The following IMPA2 variants were observed in gnomAD, a reference collection of about 807,000 sequenced individuals.
IMPA2 encodes the protein inositol monophosphatase 2, also known as IMP 2.
In IMPA2, 32 loss-of-function variants were observed where a neutral mutation model predicts 35.1. The observed-to-expected ratio is 0.91, with a 90% CI of 0.69 to 1.23. IMPA2 has a LOEUF of 1.23. Ranked by LOEUF, IMPA2 falls within the 50% of genes most tolerant of loss-of-function variation. IMPA2 has a pLI of 0.00. For missense variants in IMPA2, 334 were observed against 387.6 expected, an observed-to-expected ratio of 0.86 and a Z score of 1.16; for synonymous variants, 135 against 160.6, an observed-to-expected ratio of 0.84 and a Z score of 1.20.
At chr18:12,017,580 T>C (rs974737115) in intron 5 of IMPA2, 1 of 428,814 alleles carries the variant, frequency 2.3e-6, no homozygotes, top group Non-Finnish European at 4.6e-6. Flanking sequence ...GAAGTACGTA[T>C]TTTTTATTTG....
rs771190833 is a variant in IMPA2, at chr18:12,027,995, G to A, written c.491-48G>A. The A allele has an allele frequency of 4.1e-5, 54 of 1,301,610 alleles. 1 individual carries two copies. In the Middle Eastern group the frequency reaches 5.5e-4, roughly 13 times the overall value. The allele number at this position is 1,301,610 out of a possible 1,614,324, so 80.6% of individuals were successfully genotyped here. On this transcript the variant is annotated intron_variant, in intron 5 of 7. Coordinates refer to ENST00000269159, the MANE Select transcript of IMPA2 (RefSeq NM_014214.3). ...GTTGGAAGCCTGTACTCCTTAGTTAGAACCAAGACTTGATTTTTCTGGTGA... is the reference window on the plus strand; with the variant it reads ...GTTGGAAGCCTGTACTCCTTAGTTAAAACCAAGACTTGATTTTTCTGGTGA...
At chr18:11,993,810 G>C (rs1040627025) in intron 1 of IMPA2, among the ~76,000 whole-genome samples, 1 of 152,224 alleles carries the variant, frequency 6.6e-6, no homozygotes, top group African/African-American at 2.4e-5. Flanking sequence ...GGAGGTACAG[G>C]AGGGAGGACA....
chr18:12,000,334 CTTTTTTT>C (rs533943091), intron 2 of IMPA2, among the ~76,000 whole-genome samples: 1 of 111,266 alleles, frequency 9.0e-6, no homozygotes, highest in Non-Finnish European at 1.9e-5. Flanking sequence ...CCACCTGGCT[CTTTTTTT>C]TTTTTTTTTT....
At chr18:12,024,876 G>A (rs1907837247) in intron 5 of IMPA2, among the ~76,000 whole-genome samples, 1 of 152,064 alleles carries the variant, frequency 6.6e-6, no homozygotes, top group South Asian at 2.1e-4. Context: ...CCATCCATCA[G>A]CATCGCGTAC....
chr18:11,983,715 T>C (rs1411038861), intron 1 of IMPA2, among the ~76,000 whole-genome samples: 1 of 152,050 alleles, frequency 6.6e-6, no homozygotes, highest in Non-Finnish European at 1.5e-5. Context: ...GGGCTCCCCC[T>C]CAGGCATTAT....
chr18:12,010,288 C>A lies in IMPA2; in HGVS notation c.335+301C>A. 1 of 287,084 alleles carries A rather than the reference C, an allele frequency of 3.5e-6. No individual in the cohort carries two copies. Among genetic ancestry groups the A allele is most frequent in the Non-Finnish European group, 6.6e-6 (1 of 152,420 alleles). The allele number at this position is 287,084 out of a possible 1,614,324, so 17.8% of individuals were successfully genotyped here. A position where few individuals can be genotyped will look rare whatever the true frequency, so the allele number is the denominator to read the frequency against. ...GAAGGAGTCTGACTCCCCTCACACCCCACCCCCACTGGAGAAAAAGGTGAG... is the reference window on the plus strand; with the variant it reads ...GAAGGAGTCTGACTCCCCTCACACCACACCCCCACTGGAGAAAAAGGTGAG... On this transcript the variant is annotated intron_variant, in intron 3 of 7. Transcript: ENST00000269159. The surrounding 1 kb of genome is among the most constrained non-coding windows in gnomAD (Gnocchi z 4.8).
At chr18:11,983,232 A>G (rs576135550) in intron 1 of IMPA2, among the ~76,000 whole-genome samples, 2 of 152,328 alleles carry the variant, frequency 1.3e-5, no homozygotes, top group East Asian at 3.9e-4. Flanking sequence ...TTGTAGCTTC[A>G]GTGCAAGCGT....
At chr18:11,984,696 G>A (rs1427681583) in intron 1 of IMPA2, among the ~76,000 whole-genome samples, 3 of 151,996 alleles carry the variant, frequency 2.0e-5, no homozygotes, top group Non-Finnish European at 4.4e-5. Context: ...GGCCGGGCGC[G>A]GTGGCTCACG....
intron 3 of IMPA2, among the ~76,000 whole-genome samples, chr18:12,011,018 A>G (rs1459424537): frequency 1.3e-5 from 2 of 152,112 alleles, no homozygotes; most frequent in Non-Finnish European, 2.9e-5. Context: ...TCCCCAGAGT[A>G]TGTCACTGAG....
chr18:12,027,599 AG>A (rs1468154547), intron 5 of IMPA2, among the ~76,000 whole-genome samples: 5 of 145,304 alleles, frequency 3.4e-5, no homozygotes, highest in African/African-American at 1.0e-4. Flanking sequence ...TTAAAGAAAC[AG>A]GGACTTGCTC....
At chr18:12,023,664 G>A (rs1432697110) in intron 5 of IMPA2, among the ~76,000 whole-genome samples, 8 of 152,186 alleles carry the variant, frequency 5.3e-5, no homozygotes, top group African/African-American at 1.7e-4. Flanking sequence ...AATGGAAATT[G>A]ATTGCTCAGC....
At chr18:12,012,091 G>A (rs1291722738) in intron 3 of IMPA2, 79 bp from the exon 4 acceptor site, 3 of 1,341,120 alleles carry the variant, frequency 2.2e-6, no homozygotes, top group African/African-American at 2.9e-5. Context: ...CTGAGCCTGC[G>A]GGGAGCCGCA....
chr18:11,997,069 C>T lies in IMPA2; in HGVS notation c.97-1985C>T, dbSNP rs147725200. On this transcript the variant is annotated intron_variant, in intron 1 of 7. Coordinates refer to ENST00000269159, the MANE Select transcript of IMPA2 (RefSeq NM_014214.3). The stretch of plus-strand genomic sequence containing the variant: ...ACTCCCCCCATACCACATGAACACA[C>T]ACTTACAGGTACACAACAGAGACAC... 1.8e-3 allele frequency among the ~76,000 whole-genome samples: 281 copies of T among 152,254 alleles called. 1 individual carries two copies. Among genetic ancestry groups the T allele is most frequent in the African/African-American group, 6.4e-3 (267 of 41,538 alleles).
At chr18:12,030,207 T>C in intron 7 of IMPA2, 136 bp from the exon 8 acceptor site, 1 of 668,370 alleles carries the variant, frequency 1.5e-6, no homozygotes, top group South Asian at 1.8e-5. Flanking sequence ...ACCACCTGTT[T>C]AATACGAGTG....
chr18:11,987,446 T>C (rs930388972), intron 1 of IMPA2, among the ~76,000 whole-genome samples: 1 of 152,204 alleles, frequency 6.6e-6, no homozygotes, highest in Non-Finnish European at 1.5e-5. Flanking sequence ...TTCTCCTGCC[T>C]CAGCCTCCTG....
intron 2 of IMPA2, among the ~76,000 whole-genome samples, chr18:12,003,678 A>G (rs1213116083): frequency 6.8e-6 from 1 of 147,148 alleles, no homozygotes; most frequent in Non-Finnish European, 1.5e-5. Flanking sequence ...AAGGAAAAAA[A>G]AAAAAAAAGG....
At chr18:11,988,637 G>A (rs1049264730) in intron 1 of IMPA2, among the ~76,000 whole-genome samples, 1 of 152,128 alleles carries the variant, frequency 6.6e-6, no homozygotes, top group Non-Finnish European at 1.5e-5. Flanking sequence ...TGGAGGCTGA[G>A]ATGACAGCCT....
At chr18:12,003,310 G>A (rs1488628746) in intron 2 of IMPA2, among the ~76,000 whole-genome samples, 2 of 152,128 alleles carry the variant, frequency 1.3e-5, no homozygotes, top group African/African-American at 4.8e-5. Context: ...ACCTGACCAT[G>A]GTCATCCCTG....
intron 4 of IMPA2, 59 bp from the exon 5 acceptor site, chr18:12,014,206 T>C: frequency 1.7e-6 from 2 of 1,193,378 alleles, no homozygotes; most frequent in South Asian, 1.2e-5. Context: ...AACAATGTTT[T>C]TTCCCACATC....
Sources: gnomAD v4.1 joint callset for allele counts (sites outside exome capture counted in the v4.1 genomes callset) on GRCh38, gnomAD v4.1.1 for gene constraint, Gnocchi (gnomAD v3.1) non-coding constraint, MANE v1.5 for transcripts, NCBI Gene and HGNC (gene_info 2026-07-23, HGNC 2026-07-21) for gene names.